Variants in CNTNAP2 observed in about 807,000 individuals in gnomAD.
CNTNAP2 encodes contactin-associated protein-like 2.
CNTNAP2 carries 98 observed loss-of-function variants against 155.2 expected under a neutral mutation model. The ratio of observed to expected loss-of-function variants is 0.63; its 90% CI spans 0.54 to 0.75. The LOEUF (loss-of-function observed/expected upper bound fraction) is 0.75, where lower values mean the gene tolerates loss of function less well. Among genes scored for constraint, CNTNAP2 ranks in the 30% least tolerant of loss-of-function variants. The pLI, the probability that CNTNAP2 is intolerant of heterozygous loss-of-function variation, is 0.00. For missense variants in CNTNAP2, 1,727 were observed against 1,688.1 expected (o/e 1.02, Z -0.40); for synonymous variants, 651 against 631.2 (o/e 1.03, Z -0.47).
chr7:147,133,890 T>C (rs1441097186), intron 8 of CNTNAP2, among the ~76,000 whole-genome samples: 1 of 152,088 alleles, frequency 6.6e-6, no homozygotes, highest in Non-Finnish European at 1.5e-5. Context: ...CTTGAATGTC[T>C]AGTCAAAATG....
At chr7:148,413,984 GTC>G (rs1799915761) in intron 23 of CNTNAP2, among the ~76,000 whole-genome samples, 1 of 148,196 alleles carries the variant, frequency 6.7e-6, no homozygotes, top group Admixed American at 6.6e-5. Flanking sequence ...TTTATCCACT[GTC>G]TCTACTTTTT....
At chr7:147,767,160 A>G (rs368508952) in intron 13 of CNTNAP2, among the ~76,000 whole-genome samples, 2 of 152,236 alleles carry the variant, frequency 1.3e-5, no homozygotes, top group Admixed American at 6.5e-5. Flanking sequence ...AATAAGGGAT[A>G]CCTTTAAATT....
At chr7:146,327,286 T>A (rs1035977710) in intron 1 of CNTNAP2, among the ~76,000 whole-genome samples, 1 of 152,192 alleles carries the variant, frequency 6.6e-6, no homozygotes, top group African/African-American at 2.4e-5. Context: ...CTGTAAACAA[T>A]ATGCTATATA....
chr7:147,865,920 C>T (rs1238250348), intron 13 of CNTNAP2, among the ~76,000 whole-genome samples: 2 of 152,106 alleles, frequency 1.3e-5, no homozygotes, highest in Non-Finnish European at 2.9e-5. Flanking sequence ...GTCTCTATCT[C>T]TTTCAGTTCT....
In CNTNAP2 at chr7:148,229,791, T is replaced by G. The variant is rs771083309; in HGVS notation, c.3381+12T>G. ...CCATCTTTCTCAAGGTATACATACATGTACATATAAATTACATATAATATC... is the reference window on the plus strand; with the variant it reads ...CCATCTTTCTCAAGGTATACATACAGGTACATATAAATTACATATAATATC... On this transcript the variant is annotated intron_variant, in intron 20 of 23. Transcript: ENST00000361727. 1.9e-6 allele frequency: 3 copies of G among 1,613,880 alleles called. No homozygotes were observed. The highest frequency in any genetic ancestry group is 8.5e-7 in the Non-Finnish European group (1 of 1,179,974).
intron 1 of CNTNAP2, among the ~76,000 whole-genome samples, chr7:146,711,231 AC>A (rs1801064873): frequency 6.8e-6 from 1 of 147,464 alleles, no homozygotes; most frequent in South Asian, 2.1e-4. Context: ...TTTTATATAT[AC>A]ATATACATAT....
chr7:146,612,140 CTAAAAAG>C (rs1193401054), intron 1 of CNTNAP2, among the ~76,000 whole-genome samples: 2 of 151,990 alleles, frequency 1.3e-5, no homozygotes, highest in Non-Finnish European at 2.9e-5. Context: ...GATTTAGAAT[CTAAAAAG>C]TAAAAAGAGC....
At chr7:148,144,235 C>T (rs1805132828) in intron 16 of CNTNAP2, among the ~76,000 whole-genome samples, 1 of 152,158 alleles carries the variant, frequency 6.6e-6, no homozygotes, top group Non-Finnish European at 1.5e-5. Context: ...TCCTCTGGGA[C>T]AGAGGGTAGA....
intron 11 of CNTNAP2, among the ~76,000 whole-genome samples, chr7:147,499,271 G>C (rs936027700): frequency 3.3e-5 from 5 of 152,122 alleles, no homozygotes; most frequent in African/African-American, 1.2e-4. Context: ...GCTCTCGCCT[G>C]TAATCCCAGC....
At chr7:148,327,221 G>A (rs1352481574) in intron 21 of CNTNAP2, among the ~76,000 whole-genome samples, 2 of 152,192 alleles carry the variant, frequency 1.3e-5, no homozygotes, top group Non-Finnish European at 2.9e-5. Context: ...GCCTGCAGGG[G>A]ACTGACCCTG....
At chr7:147,555,180 T>C (rs1280380751) in intron 11 of CNTNAP2, among the ~76,000 whole-genome samples, 7 of 152,208 alleles carry the variant, frequency 4.6e-5, no homozygotes, top group Non-Finnish European at 8.8e-5. Flanking sequence ...TAGAAACTTA[T>C]TTTTGAAAGC....
At chr7:146,122,831 G>A (rs1016748268) in intron 1 of CNTNAP2, among the ~76,000 whole-genome samples, 2 of 152,180 alleles carry the variant, frequency 1.3e-5, no homozygotes, top group African/African-American at 4.8e-5. Flanking sequence ...TAACTATTTA[G>A]TAAATTATAT....
At chr7:146,947,022 A>T (rs1028164074) in intron 3 of CNTNAP2, among the ~76,000 whole-genome samples, 2 of 151,826 alleles carry the variant, frequency 1.3e-5, no homozygotes, top group Non-Finnish European at 2.9e-5. Context: ...TAAAAATATC[A>T]ATTTATTTAT....
intron 13 of CNTNAP2, among the ~76,000 whole-genome samples, chr7:147,690,848 G>A (rs1482809901): frequency 1.3e-5 from 2 of 152,014 alleles, no homozygotes; most frequent in Middle Eastern, 3.2e-3. Flanking sequence ...CTGTACAGAT[G>A]AAAAAATTAT....
chr7:147,899,234 G>C (rs778537088), intron 13 of CNTNAP2, among the ~76,000 whole-genome samples: 5 of 152,312 alleles, frequency 3.3e-5, no homozygotes, highest in Middle Eastern at 6.8e-3. Context: ...CAGCTACTCA[G>C]GAGGCTGAGG....
At chr7:146,687,402 A>G (rs766092991) in intron 1 of CNTNAP2, among the ~76,000 whole-genome samples, 1 of 152,132 alleles carries the variant, frequency 6.6e-6, no homozygotes, top group Non-Finnish European at 1.5e-5. Context: ...GAGATAGTAC[A>G]TGGACAAAAA....
chr7:147,976,238 A>G (rs1801424211), intron 14 of CNTNAP2, among the ~76,000 whole-genome samples: 1 of 152,232 alleles, frequency 6.6e-6, no homozygotes, highest in African/African-American at 2.4e-5. Flanking sequence ...ATTTTAAGTA[A>G]TAACTTGAAT....
chr7:147,675,488 A>G (rs947999805), intron 13 of CNTNAP2, among the ~76,000 whole-genome samples: 5 of 152,080 alleles, frequency 3.3e-5, no homozygotes, highest in African/African-American at 1.2e-4. Context: ...CCTGAAAATC[A>G]TGAGTGCTGA....
chr7:148,368,698 C>T (rs1299700423), intron 21 of CNTNAP2, among the ~76,000 whole-genome samples: 1 of 152,156 alleles, frequency 6.6e-6, no homozygotes, highest in Admixed American at 6.5e-5. Flanking sequence ...CCCGAGTGAG[C>T]AATTCCTGTC....
Sources: allele counts gnomAD v4.1 joint callset (sites outside exome capture counted in the v4.1 genomes callset), GRCh38; gene constraint gnomAD v4.1.1; transcripts MANE v1.5; gene names NCBI Gene and HGNC (gene_info 2026-07-23, HGNC 2026-07-21).